The following AGO3 variants were observed in gnomAD, a reference collection of about 807,000 sequenced individuals.
The protein encoded by AGO3 is argonaute RISC catalytic component 3, also known as protein argonaute-3.
AGO3 carries 16 observed loss-of-function variants against 105.5 expected under a neutral mutation model. The observed-to-expected ratio is 0.15, with a 90% confidence interval of 0.10 to 0.23. The LOEUF (loss-of-function observed/expected upper bound fraction) is 0.23, where lower values mean the gene tolerates loss of function less well. AGO3 is among the 10% of genes least tolerant of loss of function. AGO3 has a pLI of 1.00. For synonymous variants in AGO3, 340 were observed against 367.3 expected (o/e 0.93, Z 0.85); for missense variants, 534 against 1,088.0 (o/e 0.49, Z 7.16).
At chr1:35,968,069 A>G (rs1363191633) in intron 3 of AGO3, among the ~76,000 whole-genome samples, 1 of 152,166 alleles carries the variant, frequency 6.6e-6, no homozygotes, top group Non-Finnish European at 1.5e-5. Flanking sequence ...ATTGGCAGGA[A>G]TATTATATAA....
At chr1:35,970,865 G>A (rs1201261959) in intron 3 of AGO3, among the ~76,000 whole-genome samples, 1 of 151,208 alleles carries the variant, frequency 6.6e-6, no homozygotes, top group Admixed American at 6.6e-5. Flanking sequence ...AAGCAGCTAG[G>A]ACCACAGGTG....
Position 36,020,163 on chromosome 1 carries a change from G to T in AGO3, c.1406+6115G>T, listed in dbSNP as rs115932679. Among the ~76,000 whole-genome samples, 39 of 152,218 alleles carry T rather than the reference G, an allele frequency of 2.6e-4. No individual in the cohort carries two copies. The East Asian group carries it at 7.0e-3, about 27-fold the overall frequency. ...GGACTCAGGAAGGAGCAGGCAGCCGGCTGTCCAGTCTCTCTCCATGAGTCC... is the reference window on the plus strand; with the variant it reads ...GGACTCAGGAAGGAGCAGGCAGCCGTCTGTCCAGTCTCTCTCCATGAGTCC... On this transcript the variant is annotated intron_variant, in intron 11 of 18. Coordinates refer to ENST00000373191, the MANE Select transcript of AGO3 (RefSeq NM_024852.4).
At chr1:36,023,480 C>T (rs929638184) in intron 11 of AGO3, among the ~76,000 whole-genome samples, 2 of 152,214 alleles carry the variant, frequency 1.3e-5, no homozygotes, top group African/African-American at 4.8e-5. Flanking sequence ...GACTCTGGCA[C>T]TACCACATGG....
At position 36,055,387 on chromosome 1, in the gene AGO3, A is replaced by C. The variant is rs924479603; in HGVS notation, c.2474+242A>C. The C allele has an allele frequency of 8.2e-6, 5 of 612,050 alleles. No homozygotes were observed. The highest frequency in any genetic ancestry group is 3.0e-5 in the Admixed American group (1 of 33,858). 37.9% of individuals were successfully genotyped at this position (612,050 alleles called of 1,614,324 possible). A position where few individuals can be genotyped will look rare whatever the true frequency, so the allele number is the denominator to read the frequency against. On this transcript the variant is annotated intron_variant, in intron 18 of 18. Coordinates refer to ENST00000373191, the MANE Select transcript of AGO3 (RefSeq NM_024852.4). This position sits in a 1 kb window ranked among gnomAD's most constrained non-coding sequence, Gnocchi z 4.4. ...GAGATTATTGGTAATAAAGTGATACATTCAGACAGATAGACAAAATGATAC... is the reference window on the plus strand; with the variant it reads ...GAGATTATTGGTAATAAAGTGATACCTTCAGACAGATAGACAAAATGATAC...
intron 5 of AGO3, among the ~76,000 whole-genome samples, chr1:35,976,603 A>G (rs1036369783): frequency 3.9e-4 from 59 of 152,162 alleles, no homozygotes; most frequent in Non-Finnish European, 1.8e-4. Flanking sequence ...ACATTGTCAT[A>G]TTAAGGAATA....
At position 35,960,488 on chromosome 1, in the gene AGO3, A is replaced by T. The variant is rs555298373; in HGVS notation, c.192-6467A>T. Among the ~76,000 whole-genome samples the T allele has an allele frequency of 1.6e-3, 242 of 149,062 alleles. 1 individual carries two copies. The highest frequency in any genetic ancestry group is 3.5e-3 in the Middle Eastern group (1 of 288). The stretch of plus-strand genomic sequence containing the variant: ...GAGCAAGACCTGGTCTCAAAAAAAA[A>T]TTTTTTTTTTTCGCTAAAATTCTAA... On this transcript the variant is annotated intron_variant, in intron 2 of 18. Transcript: ENST00000373191.
rs1557723596 is a variant in AGO3 at position 36,068,064 on chromosome 1, T to G, written c.*12319T>G. ...TCTTATTTGTAATACAATCAGTGTT[T>G]TATGCCATTTGTGAATCACACAATT... On this transcript the variant is annotated 3_prime_UTR_variant, in exon 19 of 19. Transcript: ENST00000373191. 6.6e-6 allele frequency: 1 copy of G among 152,270 alleles called. No homozygotes were observed. Among genetic ancestry groups the G allele is most frequent in the East Asian group, 1.9e-4 (1 of 5,188 alleles). The allele number at this position is 152,270 out of a possible 1,614,324, so 9.4% of individuals were successfully genotyped here. A position where few individuals can be genotyped will look rare whatever the true frequency, so the allele number is the denominator to read the frequency against.
rs1646043284 is a variant in AGO3 at position 35,931,354 on chromosome 1, G to C, written c.-73G>C. The C allele has an allele frequency of 7.4e-7, 1 of 1,350,766 alleles. No individual in the cohort carries two copies. Among genetic ancestry groups the C allele is most frequent in the Non-Finnish European group, 9.6e-7 (1 of 1,038,466 alleles). 83.7% of individuals were successfully genotyped at this position (1,350,766 alleles called of 1,614,324 possible). On this transcript the variant is annotated 5_prime_UTR_variant, in exon 1 of 19. Coordinates refer to ENST00000373191, the MANE Select transcript of AGO3 (RefSeq NM_024852.4). Reference sequence around the variant, plus strand: ...AGTGCCCGTCGCGTCGCGCCGCGTCGCCCCCCGGGCCGCCTCCTTGCCGCC... The same window carrying C: ...AGTGCCCGTCGCGTCGCGCCGCGTCCCCCCCCGGGCCGCCTCCTTGCCGCC...
intron 2 of AGO3, among the ~76,000 whole-genome samples, chr1:35,962,457 A>G (rs1646694659): frequency 6.6e-6 from 1 of 151,362 alleles, no homozygotes; most frequent in African/African-American, 2.4e-5. Flanking sequence ...GCAGGAGAAT[A>G]GTGTGAACCC....
At position 36,008,581 on chromosome 1, in the gene AGO3, A is replaced by AT; in HGVS notation, c.794-103dup. The AT allele has an allele frequency of 3.1e-6, 3 of 959,474 alleles. No homozygotes were observed. The South Asian group carries it at 5.0e-5, about 16-fold the overall frequency. 59.4% of individuals were successfully genotyped at this position (959,474 alleles called of 1,614,324 possible). ...TATATCATCTTGCCTGTATCACAGA[A>AT]TTTTTTGTCTGTTCAGAATTGAGTT... On this transcript the variant is annotated intron_variant, in intron 6 of 18. Transcript: ENST00000373191. The surrounding 1 kb of genome is among the most constrained non-coding windows in gnomAD (Gnocchi z 5.1).
At chr1:36,053,609 T>C (rs1642807341) in intron 17 of AGO3, among the ~76,000 whole-genome samples, 1 of 152,094 alleles carries the variant, frequency 6.6e-6, no homozygotes, top group African/African-American at 2.4e-5. Flanking sequence ...AGACAGGGTC[T>C]TGCTGTGTTG....
intron 5 of AGO3, among the ~76,000 whole-genome samples, chr1:35,994,138 C>T (rs1479156134): frequency 7.0e-6 from 1 of 143,732 alleles, no homozygotes; most frequent in Non-Finnish European, 1.5e-5. Context: ...GCAGCCTCAA[C>T]CTCCCGAGCT....
At chr1:35,946,451 G>C (rs1224782892) in intron 2 of AGO3, among the ~76,000 whole-genome samples, 2 of 152,020 alleles carry the variant, frequency 1.3e-5, no homozygotes, top group Non-Finnish European at 2.9e-5. Flanking sequence ...AATATAAGAG[G>C]AATTTATGAT....
chr1:35,962,012 C>CT (rs1646685751), intron 2 of AGO3, among the ~76,000 whole-genome samples: 1 of 152,148 alleles, frequency 6.6e-6, no homozygotes, highest in South Asian at 2.1e-4. Context: ...TTGTTAGTAG[C>CT]TTTTAACATA....
At chr1:36,042,048 A>G (rs1228874734) in intron 16 of AGO3, among the ~76,000 whole-genome samples, 3 of 152,212 alleles carry the variant, frequency 2.0e-5, no homozygotes, top group Admixed American at 6.6e-5. Flanking sequence ...AATTTCATCA[A>G]TTTAATCCTC....
chr1:35,971,060 A>AATATATAAATTTATAT (rs1646859868), intron 3 of AGO3, among the ~76,000 whole-genome samples: 1 of 142,410 alleles, frequency 7.0e-6, no homozygotes, highest in African/African-American at 2.7e-5. Context: ...TATTATAAAT[A>AATATATAAATTTATAT]TATAAATTAT....
At position 36,055,797 on chromosome 1, in the gene AGO3, C is replaced by T; in HGVS notation, c.*52C>T. 6.3e-7 allele frequency: 1 copy of T among 1,577,798 alleles called. No individual in the cohort carries two copies. The highest frequency in any genetic ancestry group is 8.7e-7 in the Non-Finnish European group (1 of 1,148,870). On this transcript the variant is annotated 3_prime_UTR_variant, in exon 19 of 19. Transcript: ENST00000373191. The surrounding 1 kb of genome is among the most constrained non-coding windows in gnomAD (Gnocchi z 4.4). ...AAGTACTGAAAGATGAATTGACATA[C>T]AACGTATGTTTCCAGTGAAGTCAAT...
intron 11 of AGO3, among the ~76,000 whole-genome samples, chr1:36,015,380 T>A (rs777463152): frequency 1.3e-5 from 2 of 152,182 alleles, no homozygotes; most frequent in African/African-American, 2.4e-5. Context: ...CCAAACCCCA[T>A]CCTTTTGGAT....
In AGO3 at chr1:36,070,948, T is replaced by G. The variant is rs1643154084; in HGVS notation, c.*15203T>G. The G allele has an allele frequency of 6.6e-6, 1 of 152,236 alleles. No homozygotes were observed. The highest frequency in any genetic ancestry group is 2.4e-5 in the African/African-American group (1 of 41,458). The allele number at this position is 152,236 out of a possible 1,614,324, so 9.4% of individuals were successfully genotyped here. A position where few individuals can be genotyped will look rare whatever the true frequency, so the allele number is the denominator to read the frequency against. ...TAGTACGTGGATGCATTCATAGGCT[T>G]TGGGAAGCAGTGGTGTGCGTATGTG... On this transcript the variant is annotated 3_prime_UTR_variant, in exon 19 of 19. Coordinates refer to ENST00000373191, the MANE Select transcript of AGO3 (RefSeq NM_024852.4).
Sources: gnomAD v4.1 joint callset for allele counts (sites outside exome capture counted in the v4.1 genomes callset) on GRCh38, gnomAD v4.1.1 for gene constraint, Gnocchi (gnomAD v3.1) non-coding constraint, MANE v1.5 for transcripts, NCBI Gene and HGNC (gene_info 2026-07-23, HGNC 2026-07-21) for gene names.